TSPAN18: variants seen among roughly 807,000 people sequenced by gnomAD.
The protein encoded by TSPAN18 is tetraspanin-18.
TSPAN18 carries 14 observed loss-of-function variants against 27.3 expected under a neutral mutation model. The ratio of observed to expected loss-of-function variants is 0.51; its 90% CI spans 0.34 to 0.80. The LOEUF (loss-of-function observed/expected upper bound fraction) is 0.80. Among genes scored for constraint, TSPAN18 ranks in the 30% least tolerant of loss-of-function variants. The pLI is 0.01. For synonymous variants in TSPAN18, 143 were observed against 136.5 expected (o/e 1.05, Z -0.33); for missense variants, 268 against 323.9 (o/e 0.83, Z 1.32).
intron 2 of TSPAN18, among the ~76,000 whole-genome samples, chr11:44,788,736 C>T (rs1304939687): frequency 2.0e-5 from 3 of 152,142 alleles, no homozygotes; most frequent in South Asian, 2.1e-4. Flanking sequence ...CTTGAGCCAC[C>T]GCACCCGGCC....
intron 2 of TSPAN18, among the ~76,000 whole-genome samples, chr11:44,818,841 G>T (rs749160367): frequency 6.6e-6 from 1 of 152,030 alleles, no homozygotes; most frequent in African/African-American, 2.4e-5. Context: ...TGGGGCTCAA[G>T]GGGCCTAGGC....
In TSPAN18 at chr11:44,904,269, T is replaced by C. The variant is rs188092170; in HGVS notation, c.-10-2138T>C. ...TTCCCCTCCTGACTTTGATGCTGAG[T>C]GGCCCCGCCTGTGCCTCCCCTGCTC... On this transcript the variant is annotated intron_variant, in intron 3 of 9. Coordinates refer to ENST00000520358, the MANE Select transcript of TSPAN18 (RefSeq NM_130783.5). Among the ~76,000 whole-genome samples, 248 of 152,312 alleles carry C rather than the reference T, an allele frequency of 1.6e-3. 1 individual carries two copies. Among genetic ancestry groups the C allele is most frequent in the African/African-American group, 5.8e-3 (242 of 41,566 alleles).
intron 2 of TSPAN18, among the ~76,000 whole-genome samples, chr11:44,808,645 G>A (rs1189906598): frequency 6.6e-6 from 1 of 152,160 alleles, no homozygotes; most frequent in Non-Finnish European, 1.5e-5. Context: ...AGATCAGAAA[G>A]CAATTTGAAC....
chr11:44,918,000 T>A lies in TSPAN18; in HGVS notation c.287T>A (p.Leu96Gln). Residue 96 changes from leucine (L) to glutamine (Q), a missense_variant, in exon 6 of 10, where the codon CTG (leucine) becomes CAG (glutamine). Transcript: ENST00000520358. ...TTCCTGTTCATCCTGATCATCTTCC[T>A]GGCAGAGCTCTCAGCAGCCATCCTG... Reference protein sequence around the residue: ...FFFLFILIIFLAELSAAILAF... With the variant: ...FFFLFILIIFQAELSAAILAF... 1 of 1,614,186 alleles carries A rather than the reference T, an allele frequency of 6.2e-7. No individual in the cohort carries two copies. Among genetic ancestry groups the A allele is most frequent in the South Asian group, 1.1e-5 (1 of 91,090 alleles).
intron 2 of TSPAN18, among the ~76,000 whole-genome samples, chr11:44,825,461 C>T (rs1857019258): frequency 6.6e-6 from 1 of 152,176 alleles, no homozygotes; most frequent in Admixed American, 6.5e-5. Context: ...TCAAGCTTCT[C>T]CCTGGGTCCT....
intron 2 of TSPAN18, among the ~76,000 whole-genome samples, chr11:44,844,861 C>G (rs1857448176): frequency 6.6e-6 from 1 of 152,152 alleles, no homozygotes; most frequent in South Asian, 2.1e-4. Context: ...TTCATTTGCA[C>G]CAGGCCTGGT....
chr11:44,851,710 C>T lies in TSPAN18; in HGVS notation c.-152-8618C>T, dbSNP rs117132903. ...CCCGCCTGCTGCTTTCTACACCTGC[C>T]GTGCAAATGGAGGCCCTGCGCTGTT... On this transcript the variant is annotated intron_variant, in intron 2 of 9. Transcript: ENST00000520358. Among the ~76,000 whole-genome samples the T allele has an allele frequency of 1.1e-3, 167 of 151,986 alleles. 2 individuals are homozygous for T. The East Asian group carries it at 0.021, about 19-fold the overall frequency.
intron 5 of TSPAN18, among the ~76,000 whole-genome samples, chr11:44,914,468 C>T (rs1859832684): frequency 6.6e-6 from 1 of 152,186 alleles, no homozygotes; most frequent in Admixed American, 6.5e-5. Flanking sequence ...GTGGGAAATG[C>T]ATGTTTTGCT....
intron 2 of TSPAN18, among the ~76,000 whole-genome samples, chr11:44,847,618 C>T (rs1451186000): frequency 6.6e-6 from 1 of 152,150 alleles, no homozygotes; most frequent in African/African-American, 2.4e-5. Context: ...TTGTTTGACT[C>T]CCTGACTTCA....
At chr11:44,793,306 T>C (rs980627833) in intron 2 of TSPAN18, among the ~76,000 whole-genome samples, 1 of 152,164 alleles carries the variant, frequency 6.6e-6, no homozygotes, top group Non-Finnish European at 1.5e-5. Context: ...GACTTTTGCT[T>C]GTGGAACAGA....
rs539427421 is a variant in TSPAN18, at chr11:44,802,986, G to T, written c.-153+38474G>T. On this transcript the variant is annotated intron_variant, in intron 2 of 9. Transcript: ENST00000520358. ...GGGGAGAGTCATGGCGGAGGCATGG[G>T]GCACAAGTGAGTCTTTCACTCACTA... 4.6e-5 allele frequency among the ~76,000 whole-genome samples: 7 copies of T among 152,222 alleles called. 1 individual carries two copies. In the South Asian group the frequency reaches 1.0e-3, roughly 23 times the overall value.
intron 1 of TSPAN18, among the ~76,000 whole-genome samples, chr11:44,753,410 G>A (rs577740583): frequency 1.1e-4 from 16 of 152,208 alleles, no homozygotes; most frequent in African/African-American, 3.4e-4. Context: ...GATTACAGGC[G>A]TTTGAGCCAC....
intron 1 of TSPAN18, among the ~76,000 whole-genome samples, chr11:44,760,894 T>C (rs1303635452): frequency 6.6e-6 from 1 of 152,192 alleles, no homozygotes; most frequent in Non-Finnish European, 1.5e-5. Context: ...GTTTTCTGTT[T>C]CTTAGAAGTA....
chr11:44,736,963 A>G (rs939034602), intron 1 of TSPAN18, among the ~76,000 whole-genome samples: 6 of 152,232 alleles, frequency 3.9e-5, no homozygotes, highest in Admixed American at 3.3e-4. Flanking sequence ...GTTTTCCTCC[A>G]TAGAGTGAGG....
chr11:44,729,849 G>A (rs895743126), intron 1 of TSPAN18, among the ~76,000 whole-genome samples: 2 of 152,144 alleles, frequency 1.3e-5, no homozygotes, highest in Admixed American at 1.3e-4. Flanking sequence ...ATTAATTCAA[G>A]GATGTGTGGG....
rs116892902 is a variant in TSPAN18 at position 44,860,842 on chromosome 11, G to A, written c.-11+373G>A. On this transcript the variant is annotated intron_variant, in intron 3 of 9. Transcript: ENST00000520358. ...AACCAGTGGTGGGTCAGAAGTAAAG[G>A]TTGGCTGCAGTGGGTGGTGAGAGGG... is the stretch of plus-strand genomic sequence containing the variant. Among the ~76,000 whole-genome samples, 645 of 152,348 alleles carry A rather than the reference G, an allele frequency of 4.2e-3. 2 individuals carry two copies. Among genetic ancestry groups the A allele is most frequent in the South Asian group, 0.011 (51 of 4,826 alleles).
intron 5 of TSPAN18, among the ~76,000 whole-genome samples, chr11:44,915,377 C>A (rs1360660861): frequency 6.6e-6 from 1 of 152,222 alleles, no homozygotes; most frequent in Non-Finnish European, 1.5e-5. Context: ...CAGAGCCCCC[C>A]ACCCTCCTGG....
Position 44,909,899 on chromosome 11 carries a change from T to TGTGA in TSPAN18, c.258+3_258+6dup, listed in dbSNP as rs752609849. On this transcript the variant is annotated frameshift_variant and splice_region_variant. Transcript: ENST00000520358. LOFTEE classifies it high-confidence loss of function. ...GTGAGAACAAGTGTCTGCTGCTATT[T>TGTGA]GTGAGTACCCCAGCCCCCACCCCAT... The TGTGA allele has an allele frequency of 1.2e-6, 2 of 1,610,060 alleles. No individual in the cohort carries two copies. Among genetic ancestry groups the TGTGA allele is most frequent in the Non-Finnish European group, 1.7e-6 (2 of 1,177,476 alleles).
intron 1 of TSPAN18, among the ~76,000 whole-genome samples, chr11:44,729,992 G>A (rs1854613135): frequency 6.6e-6 from 1 of 152,160 alleles, no homozygotes; most frequent in African/African-American, 2.4e-5. Context: ...GTTGGCTGAG[G>A]AGATTCTGAG....
Sources: gnomAD v4.1 joint callset for allele counts (sites outside exome capture counted in the v4.1 genomes callset) on GRCh38, gnomAD v4.1.1 for gene constraint, MANE v1.5 for transcripts, NCBI Gene and HGNC (gene_info 2026-07-23, HGNC 2026-07-21) for gene names.